The following RPS6KA2 variants were observed in gnomAD, a reference collection of about 807,000 sequenced individuals.
The protein encoded by RPS6KA2 is ribosomal protein S6 kinase A2.
RPS6KA2 carries 42 observed loss-of-function variants against 91.8 expected under a neutral mutation model. The ratio of observed to expected loss-of-function variants is 0.46; its 90% CI spans 0.36 to 0.59. RPS6KA2 has a LOEUF of 0.59. RPS6KA2 is among the 20% of genes least tolerant of loss of function. The probability of loss-of-function intolerance (pLI) is 0.00; values close to 1 mark genes in which losing one functional copy is unlikely to be tolerated. For synonymous variants in RPS6KA2, 414 were observed against 393.6 expected, an observed-to-expected ratio of 1.05 and a Z score of -0.61; for missense variants, 798 against 978.5, an observed-to-expected ratio of 0.82 and a Z score of 2.46.
chr6:166,802,736 G>T (rs1022082293), intron 2 of RPS6KA2, among the ~76,000 whole-genome samples: 1 of 152,276 alleles, frequency 6.6e-6, no homozygotes, highest in East Asian at 1.9e-4. Flanking sequence ...TTCCTCGGAC[G>T]AAACTACATC....
rs58963186 is a variant in RPS6KA2 at position 166,770,446 on chromosome 6, A to AC, written c.123+87753dup. Reference sequence around the variant, plus strand: ...AGACACAGCCCCAGGCAGCTTCAGCACCCCCACGTTTGCCTCGCTGCCATG... The same window carrying AC: ...AGACACAGCCCCAGGCAGCTTCAGCACCCCCCACGTTTGCCTCGCTGCCATG... On this transcript the variant is annotated intron_variant, in intron 2 of 21. Coordinates refer to the RPS6KA2 transcript ENST00000503859. The surrounding 1 kb of genome is among the most constrained non-coding windows in gnomAD (Gnocchi z 5.1). Among the ~76,000 whole-genome samples the AC allele has an allele frequency of 6.6e-6, 1 of 151,972 alleles. No individual in the cohort carries two copies. The highest frequency in any genetic ancestry group is 1.5e-5 in the Non-Finnish European group (1 of 68,000).
chr6:166,561,299 G>A (rs1784334982), intron 1 of RPS6KA2, among the ~76,000 whole-genome samples: 1 of 152,032 alleles, frequency 6.6e-6, no homozygotes, highest in African/African-American at 2.4e-5. Flanking sequence ...GAGACCCTGT[G>A]CCCAGCTCAA....
chr6:166,556,742 G>A (rs1467133986), intron 1 of RPS6KA2, among the ~76,000 whole-genome samples: 1 of 152,168 alleles, frequency 6.6e-6, no homozygotes, highest in Non-Finnish European at 1.5e-5. Context: ...GAATCCCTCT[G>A]AGTCCAGCTG....
chr6:166,754,494 T>C (rs1256792966), intron 2 of RPS6KA2, among the ~76,000 whole-genome samples: 1 of 152,050 alleles, frequency 6.6e-6, no homozygotes, highest in African/African-American at 2.4e-5. Context: ...TGGGCCCTGC[T>C]GCACAGGGGG....
chr6:166,589,283 G>T (rs1785282551), intron 1 of RPS6KA2, among the ~76,000 whole-genome samples: 1 of 152,182 alleles, frequency 6.6e-6, no homozygotes, highest in African/African-American at 2.4e-5. Flanking sequence ...TGCATTCCAG[G>T]GCCCCTCCTG....
chr6:166,444,795 G>A (rs1293923173), intron 14 of RPS6KA2, among the ~76,000 whole-genome samples: 1 of 152,172 alleles, frequency 6.6e-6, no homozygotes, highest in East Asian at 1.9e-4. Flanking sequence ...CTCTAAGCTG[G>A]GCACTGTGTT....
intron 3 of RPS6KA2, among the ~76,000 whole-genome samples, chr6:166,513,084 C>CAAA (rs1782525596): frequency 6.6e-6 from 1 of 152,156 alleles, no homozygotes; most frequent in African/African-American, 2.4e-5. Context: ...TGATGAGCTT[C>CAAA]AAAACATCAC....
intron 1 of RPS6KA2, among the ~76,000 whole-genome samples, chr6:166,553,901 C>T (rs3799627): frequency 0.08 from 12,219 of 152,208 alleles, 832 homozygotes; most frequent in East Asian, 0.29. Context: ...AGATTTGCAT[C>T]CGTATTCTTG....
chr6:166,722,839 C>G (rs2128585319), intron 2 of RPS6KA2, among the ~76,000 whole-genome samples: 1 of 152,340 alleles, frequency 6.6e-6, no homozygotes, highest in Admixed American at 6.5e-5. Context: ...TCAATCGCTG[C>G]ATTTTCAGCC....
chr6:166,688,734 G>T (rs930561403), intron 2 of RPS6KA2, among the ~76,000 whole-genome samples: 130 of 152,318 alleles, frequency 8.5e-4, no homozygotes, highest in African/African-American at 3.0e-3. Context: ...CGTGCCTAAG[G>T]TTAGCCAAAC....
At chr6:166,417,521 C>A (rs1213012489) in intron 19 of RPS6KA2, among the ~76,000 whole-genome samples, 1 of 152,166 alleles carries the variant, frequency 6.6e-6, no homozygotes, top group Non-Finnish European at 1.5e-5. Flanking sequence ...CCATCCATTT[C>A]TCCTTGGGGC....
chr6:166,585,498 CTTTTT>C lies in RPS6KA2; in HGVS notation c.99+41418_99+41422del, dbSNP rs58153048. Among the ~76,000 whole-genome samples, 20 of 86,308 alleles carry C rather than the reference CTTTTT, an allele frequency of 2.3e-4. 1 individual carries two copies. The highest frequency in any genetic ancestry group is 9.1e-4 in the African/African-American group (13 of 14,312). 56.6% of individuals were successfully genotyped at this position (86,308 alleles called of 152,430 possible). A position where few individuals can be genotyped will look rare whatever the true frequency, so the allele number is the denominator to read the frequency against. On this transcript the variant is annotated intron_variant, in intron 1 of 20. Coordinates refer to ENST00000265678, the MANE Select transcript of RPS6KA2 (RefSeq NM_021135.6). Reference sequence around the variant, plus strand: ...ATCTCAAACATGACATCAAACAAGTCTTTTTTTTTTTTTTTTTTTTTCCTTATTTT... The same window carrying C: ...ATCTCAAACATGACATCAAACAAGTCTTTTTTTTTTTTTTTTCCTTATTTT...
chr6:166,762,785 C>A (rs1778212651), intron 2 of RPS6KA2, among the ~76,000 whole-genome samples: 1 of 152,194 alleles, frequency 6.6e-6, no homozygotes, highest in African/African-American at 2.4e-5. Context: ...GAAAGCGGAG[C>A]AAGCCATGAC....
intron 10 of RPS6KA2, among the ~76,000 whole-genome samples, chr6:166,483,009 C>T (rs1781287715): frequency 6.6e-6 from 1 of 152,218 alleles, no homozygotes; most frequent in African/African-American, 2.4e-5. Context: ...CAACACTTTT[C>T]CAATTGCCTC....
chr6:166,686,366 A>G (rs147485888), intron 2 of RPS6KA2, among the ~76,000 whole-genome samples: 1 of 152,242 alleles, frequency 6.6e-6, no homozygotes, highest in Admixed American at 6.5e-5. Context: ...CTCCTGAGCA[A>G]CTTTTCTGCT....
chr6:166,484,180 C>T (rs1326736209), intron 10 of RPS6KA2, among the ~76,000 whole-genome samples: 2 of 152,252 alleles, frequency 1.3e-5, no homozygotes, highest in East Asian at 3.8e-4. Flanking sequence ...CACTTCAGGG[C>T]AAGGAGCTTT....
intron 2 of RPS6KA2, among the ~76,000 whole-genome samples, chr6:166,848,937 A>AAAAC (rs1780670485): frequency 6.6e-6 from 1 of 151,184 alleles, no homozygotes; most frequent in Non-Finnish European, 1.5e-5. Flanking sequence ...TAATTTTAAA[A>AAAAC]ATATATATAT....
At chr6:166,543,680 T>G (rs545718997) in intron 1 of RPS6KA2, among the ~76,000 whole-genome samples, 6 of 152,342 alleles carry the variant, frequency 3.9e-5, no homozygotes, top group African/African-American at 1.4e-4. Context: ...GTTACCCCCT[T>G]GGAACCTCGT....
intron 8 of RPS6KA2, among the ~76,000 whole-genome samples, chr6:166,491,276 C>T (rs868393992): frequency 2.6e-5 from 4 of 152,168 alleles, no homozygotes; most frequent in Non-Finnish European, 5.9e-5. Flanking sequence ...ATACAGCTGC[C>T]GCACCCTACA....
Sources: allele counts gnomAD v4.1 joint callset (sites outside exome capture counted in the v4.1 genomes callset), GRCh38; gene constraint gnomAD v4.1.1; non-coding constraint Gnocchi (gnomAD v3.1); transcripts MANE v1.5; gene names NCBI Gene and HGNC (gene_info 2026-07-23, HGNC 2026-07-21).